MAP2: variants seen among roughly 807,000 people sequenced by gnomAD.
The protein encoded by MAP2 is microtubule-associated protein 2.
A neutral mutation model predicts 137.6 loss-of-function variants in MAP2; 14 were observed. The ratio of observed to expected loss-of-function variants is 0.10; its 90% CI spans 0.07 to 0.16. The LOEUF (loss-of-function observed/expected upper bound fraction) is 0.16. Among genes scored for constraint, MAP2 ranks in the 10% least tolerant of loss-of-function variants. The pLI is 1.00. For missense variants in MAP2, 2,088 were observed against 2,191.5 expected (o/e 0.95, Z 0.94); for synonymous variants, 786 against 782.3 (o/e 1.00, Z -0.08).
chr2:209,468,679 C>G (rs1432431160), intron 1 of MAP2, among the ~76,000 whole-genome samples: 1 of 152,034 alleles, frequency 6.6e-6, no homozygotes, highest in African/African-American at 2.4e-5. Context: ...AGAGTTTGTC[C>G]CTTTAACACT....
At chr2:209,725,358 T>C (rs1167338125) in intron 13 of MAP2, among the ~76,000 whole-genome samples, 1 of 152,234 alleles carries the variant, frequency 6.6e-6, no homozygotes, top group Non-Finnish European at 1.5e-5. Flanking sequence ...ATAATGCAGC[T>C]CTTCCCTTGG....
chr2:209,592,332 C>A (rs1458886878), intron 3 of MAP2, among the ~76,000 whole-genome samples: 1 of 152,100 alleles, frequency 6.6e-6, no homozygotes, highest in Non-Finnish European at 1.5e-5. Flanking sequence ...CAGATGGTGG[C>A]TGTATTTGGC....
Position 209,710,165 on chromosome 2 carries a change from C to T in MAP2, c.4984C>T (p.Leu1662Phe). ...KSPATPKQLR[L>F]INQPLPDLKN... Reference sequence around the variant, plus strand: ...TCCTGCGACTCCCAAGCAGCTTCGGCTTATTAACCAACCACTGCCAGACCT... The same window carrying T: ...TCCTGCGACTCCCAAGCAGCTTCGGTTTATTAACCAACCACTGCCAGACCT... Residue 1662 changes from leucine (L) to phenylalanine (F), a missense_variant, in exon 13 of 16, where the codon CTT becomes TTT. Physicochemically the swap from Leu to Phe is conservative, Grantham distance 22. Around this residue, in one of 6 missense-constraint regions of MAP2, gnomAD observed 591 missense variants for 642.6 expected, o/e 0.92. Transcript: ENST00000682079. 6.2e-7 allele frequency: 1 copy of T among 1,613,894 alleles called. No homozygotes were observed. The highest frequency in any genetic ancestry group is 8.5e-7 in the Non-Finnish European group (1 of 1,179,892).
intron 2 of MAP2, among the ~76,000 whole-genome samples, chr2:209,572,812 T>C (rs186233266): frequency 5.3e-5 from 8 of 152,358 alleles, no homozygotes; most frequent in Admixed American, 5.2e-4. Flanking sequence ...ATACTTTTTA[T>C]AGTTTTCTAT....
chr2:209,486,263 C>A (rs765892002), intron 1 of MAP2, among the ~76,000 whole-genome samples: 1 of 151,510 alleles, frequency 6.6e-6, no homozygotes, highest in Non-Finnish European at 1.5e-5. Context: ...GAGTCTTACT[C>A]TGTCACCAGG....
At chr2:209,430,433 T>G (rs1693950416) in intron 1 of MAP2, among the ~76,000 whole-genome samples, 1 of 151,982 alleles carries the variant, frequency 6.6e-6, no homozygotes, top group Non-Finnish European at 1.5e-5. Flanking sequence ...ATATTTGCTT[T>G]TTTCATTGGT....
At chr2:209,567,036 A>G (rs2073583860) in intron 2 of MAP2, among the ~76,000 whole-genome samples, 1 of 152,202 alleles carries the variant, frequency 6.6e-6, no homozygotes, top group African/African-American at 2.4e-5. Context: ...GAAAGTATGT[A>G]TAAACTGGAC....
At chr2:209,612,760 T>C (rs1176465292) in intron 3 of MAP2, among the ~76,000 whole-genome samples, 1 of 152,232 alleles carries the variant, frequency 6.6e-6, no homozygotes, top group Non-Finnish European at 1.5e-5. Context: ...ATGTCTTTTT[T>C]GGTCATGAGT....
intron 13 of MAP2, among the ~76,000 whole-genome samples, chr2:209,715,744 C>A (rs2067325487): frequency 6.6e-6 from 1 of 152,176 alleles, no homozygotes; most frequent in Admixed American, 6.5e-5. Context: ...TCCAAAGACC[C>A]TGAGGTAGAA....
intron 1 of MAP2, among the ~76,000 whole-genome samples, chr2:209,440,457 T>C (rs542399353): frequency 1.3e-5 from 2 of 151,614 alleles, no homozygotes; most frequent in Admixed American, 1.3e-4. Flanking sequence ...CGCCCTCTTA[T>C]TGAGTCCTTG....
At chr2:209,720,238 GTTGA>G (rs1419333947) in intron 13 of MAP2, among the ~76,000 whole-genome samples, 1 of 152,114 alleles carries the variant, frequency 6.6e-6, no homozygotes, top group Non-Finnish European at 1.5e-5. Flanking sequence ...AGATGATCTG[GTTGA>G]TTAATATAAT....
chr2:209,521,407 TC>T (rs2063263503), intron 2 of MAP2, among the ~76,000 whole-genome samples: 1 of 151,914 alleles, frequency 6.6e-6, no homozygotes, highest in South Asian at 2.1e-4. Flanking sequence ...GTCCAATCCT[TC>T]CTCCCCCACC....
intron 4 of MAP2, among the ~76,000 whole-genome samples, chr2:209,628,280 G>A (rs148907169): frequency 1.3e-5 from 2 of 152,120 alleles, no homozygotes; most frequent in African/African-American, 4.8e-5. Context: ...AAGGAGAATC[G>A]CTTGAACCCG....
intron 2 of MAP2, among the ~76,000 whole-genome samples, chr2:209,574,444 CACACACACACACACACAG>C (rs920632427): frequency 3.3e-5 from 5 of 151,946 alleles, no homozygotes; most frequent in African/African-American, 1.2e-4. Context: ...CACACACACA[CACACACACACACACACAG>C]ACACAGAGAT....
intron 1 of MAP2, among the ~76,000 whole-genome samples, chr2:209,449,406 C>G (rs1014007742): frequency 6.6e-6 from 1 of 152,086 alleles, no homozygotes; most frequent in Non-Finnish European, 1.5e-5. Context: ...TTAGAGAATG[C>G]GTTTCCCTCT....
At chr2:209,707,979 T>TA (rs946745790) in intron 12 of MAP2, among the ~76,000 whole-genome samples, 7 of 152,186 alleles carry the variant, frequency 4.6e-5, no homozygotes, top group African/African-American at 1.4e-4. Context: ...TCTGAATTAT[T>TA]AAAAAAATAT....
chr2:209,512,733 C>A (rs1378252142), intron 2 of MAP2, among the ~76,000 whole-genome samples: 1 of 152,050 alleles, frequency 6.6e-6, no homozygotes, highest in East Asian at 1.9e-4. Context: ...ACTCAGACTT[C>A]TAAGCTCAAG....
chr2:209,698,922 A>G (rs1223584901), intron 10 of MAP2, among the ~76,000 whole-genome samples: 1 of 152,224 alleles, frequency 6.6e-6, no homozygotes, highest in Non-Finnish European at 1.5e-5. Flanking sequence ...AATTTTAGAG[A>G]AAACGTAAAA....
chr2:209,513,627 G>GAAGAAAC (rs1553565705), intron 2 of MAP2, among the ~76,000 whole-genome samples: 200 of 151,592 alleles, frequency 1.3e-3, no homozygotes, highest in African/African-American at 4.6e-3. Flanking sequence ...TTTCTCTCTT[G>GAAGAAAC]AAAAAACAAA....
Sources: gnomAD v4.1 joint callset for allele counts (sites outside exome capture counted in the v4.1 genomes callset) on GRCh38, gnomAD v4.1.1 for gene constraint, gnomAD v4.1.1 regional missense constraint, MANE v1.5 for transcripts, NCBI Gene and HGNC (gene_info 2026-07-23, HGNC 2026-07-21) for gene names.